Variants in ST3GAL1 observed in about 807,000 individuals in gnomAD.
ST3GAL1 encodes CMP-N-acetylneuraminate-beta-galactosamide-alpha-2,3-sialyltransferase 1.
Under a neutral mutation model 34.1 loss-of-function variants are expected in ST3GAL1, and 16 were observed. That is an observed-to-expected ratio of 0.47 (90% CI 0.32 to 0.71). The LOEUF is 0.71. Among genes scored for constraint, ST3GAL1 ranks in the 30% least tolerant of loss-of-function variants. The pLI is 0.04. For missense variants in ST3GAL1, 353 were observed against 447.4 expected, an observed-to-expected ratio of 0.79 and a Z score of 1.90; for synonymous variants, 191 against 184.7, an observed-to-expected ratio of 1.03 and a Z score of -0.28.
chr8:133,518,110 C>A (rs1025353539), intron 2 of ST3GAL1, among the ~76,000 whole-genome samples: 5 of 152,224 alleles, frequency 3.3e-5, no homozygotes, highest in Non-Finnish European at 7.3e-5. Flanking sequence ...AGTGTTCCAA[C>A]GGTCACCTCT....
intron 3 of ST3GAL1, among the ~76,000 whole-genome samples, chr8:133,491,263 T>C (rs1816777065): frequency 6.7e-6 from 1 of 149,690 alleles, no homozygotes; most frequent in Non-Finnish European, 1.5e-5. Context: ...GAGTGCTACA[T>C]TTGGAGTCCT....
At chr8:133,491,612 G>A (rs1003017890) in intron 3 of ST3GAL1, among the ~76,000 whole-genome samples, 1 of 152,196 alleles carries the variant, frequency 6.6e-6, no homozygotes, top group African/African-American at 2.4e-5. Flanking sequence ...TGATTTTCAG[G>A]GGCATCCAGG....
At chr8:133,471,738 C>T (rs57743531) in intron 5 of ST3GAL1, among the ~76,000 whole-genome samples, 25,010 of 151,772 alleles carry the variant, frequency 0.16, 2,710 homozygotes, top group East Asian at 0.58. Context: ...GTGGTAAGGG[C>T]GAAGCAGTGG....
intron 8 of ST3GAL1, 141 bp downstream of exon 8, chr8:133,463,272 AG>A (rs397891225): frequency 2.2e-6 from 2 of 897,584 alleles, no homozygotes; most frequent in Non-Finnish European, 1.8e-6. Context: ...CTCTTCCCCC[AG>A]GGGGATAGCT....
chr8:133,549,317 A>G (rs1486951371), intron 1 of ST3GAL1, among the ~76,000 whole-genome samples: 1 of 151,474 alleles, frequency 6.6e-6, no homozygotes, highest in Non-Finnish European at 1.5e-5. Context: ...CAGGAGAATC[A>G]CTAGAACCCA....
At chr8:133,551,594 GAAA>G (rs1563739138) in intron 1 of ST3GAL1, among the ~76,000 whole-genome samples, 32 of 150,440 alleles carry the variant, frequency 2.1e-4, no homozygotes, top group African/African-American at 7.7e-4. Context: ...AAGAAAGAAA[GAAA>G]GAAAGAAAGA....
At chr8:133,501,166 A>G (rs977173500) in intron 2 of ST3GAL1, among the ~76,000 whole-genome samples, 8 of 152,196 alleles carry the variant, frequency 5.3e-5, no homozygotes, top group African/African-American at 1.9e-4. Context: ...TAGAAAAATC[A>G]ACACAGGGTT....
chr8:133,518,987 G>C (rs1397402186), intron 2 of ST3GAL1, among the ~76,000 whole-genome samples: 1 of 152,128 alleles, frequency 6.6e-6, no homozygotes, highest in Admixed American at 6.5e-5. Flanking sequence ...AGGGAAGAGA[G>C]GAGGCCTGAG....
chr8:133,512,116 G>C (rs912225611), intron 2 of ST3GAL1, among the ~76,000 whole-genome samples: 5 of 152,244 alleles, frequency 3.3e-5, no homozygotes, highest in Admixed American at 3.3e-4. Flanking sequence ...AAAGTCCCAT[G>C]ATAGGCCGTC....
chr8:133,546,983 C>T lies in ST3GAL1; in HGVS notation c.-581-1057G>A, dbSNP rs112424179. The stretch of plus-strand genomic sequence containing the variant: ...TCACACCACTGCCCTCCAGCCTGGG[C>T]GACAGCGAGACTCCATCTCAGGAAA... On this transcript the variant is annotated intron_variant, in intron 1 of 9. Transcript: ENST00000522652. Among the ~76,000 whole-genome samples the T allele has an allele frequency of 3.9e-3, 573 of 147,950 alleles. 2 individuals carry two copies. Among genetic ancestry groups the T allele is most frequent in the Non-Finnish European group, 6.8e-3 (457 of 67,420 alleles).
At chr8:133,464,339 C>A (rs1278373713) in intron 7 of ST3GAL1, among the ~76,000 whole-genome samples, 1 of 152,200 alleles carries the variant, frequency 6.6e-6, no homozygotes, top group East Asian at 1.9e-4. Context: ...ACTGCTTGCC[C>A]TGGGGAGGGG....
intron 1 of ST3GAL1, among the ~76,000 whole-genome samples, chr8:133,548,161 G>A (rs576992088): frequency 8.7e-4 from 132 of 152,282 alleles, no homozygotes; most frequent in Admixed American, 1.9e-3. Flanking sequence ...TTTCAGAAAT[G>A]AGAATTAAGG....
At chr8:133,516,939 T>G (rs750615760) in intron 2 of ST3GAL1, among the ~76,000 whole-genome samples, 1 of 152,234 alleles carries the variant, frequency 6.6e-6, no homozygotes, top group Non-Finnish European at 1.5e-5. Context: ...CAGAAAGAGA[T>G]AGAGTTGATC....
rs1554618821 is a variant in ST3GAL1, at chr8:133,541,058, T to TATATATAGAC, written c.-429+4715_-429+4716insGTCTATATAT. Among the ~76,000 whole-genome samples, 2 of 28,442 alleles carry TATATATAGAC rather than the reference T, an allele frequency of 7.0e-5. 1 individual carries two copies. Among genetic ancestry groups the TATATATAGAC allele is most frequent in the Non-Finnish European group, 1.2e-4 (2 of 16,536 alleles). 18.7% of individuals were successfully genotyped at this position (28,442 alleles called of 152,430 possible). ...ACATATATAGACATATATATAGACA[T>TATATATAGAC]ATATATATAGACATATATATAGACA... On this transcript the variant is annotated intron_variant, in intron 2 of 9. Transcript: ENST00000522652.
chr8:133,487,221 G>A (rs1015902108), intron 3 of ST3GAL1, among the ~76,000 whole-genome samples: 1 of 152,132 alleles, frequency 6.6e-6, no homozygotes, highest in African/African-American at 2.4e-5. Flanking sequence ...TTACAGGCAT[G>A]AGCTACCACA....
At chr8:133,512,429 C>A (rs1025593096) in intron 2 of ST3GAL1, among the ~76,000 whole-genome samples, 2 of 152,210 alleles carry the variant, frequency 1.3e-5, no homozygotes, top group Non-Finnish European at 2.9e-5. Flanking sequence ...TTAGATGGTG[C>A]CCATTCAGAT....
chr8:133,459,784 G>A lies in ST3GAL1; in HGVS notation c.1003C>T (p.Arg335Trp), dbSNP rs1399830210. ...TATLASINKI[R>W]IFKGR ...CTGCGTCATCTCCCCTTGAAGATCC[G>A]GATTTTATTGATGGAGGCCAAGGTG... is the stretch of plus-strand genomic sequence containing the variant. The change falls in exon 10 of 10, where the codon CGG (arginine) becomes TGG (tryptophan). Residue 335 changes from arginine (R) to tryptophan (W), a missense_variant. By Grantham distance (101) the Arg-to-Trp change is moderately radical. Coordinates refer to ENST00000522652, the MANE Select transcript of ST3GAL1 (RefSeq NM_173344.3). The surrounding 1 kb of genome is among the most constrained non-coding windows in gnomAD (Gnocchi z 4.7). 16 of 1,612,716 alleles carry A rather than the reference G, an allele frequency of 9.9e-6. 1 individual carries two copies. In the Admixed American group the frequency reaches 1.0e-4, roughly 10 times the overall value.
chr8:133,530,524 C>A (rs1175386458), intron 2 of ST3GAL1, among the ~76,000 whole-genome samples: 1 of 152,140 alleles, frequency 6.6e-6, no homozygotes, highest in Non-Finnish European at 1.5e-5. Flanking sequence ...CTCAGGTGAT[C>A]CACTCGCCTC....
chr8:133,543,768 T>C (rs1057447379), intron 2 of ST3GAL1, among the ~76,000 whole-genome samples: 1 of 151,070 alleles, frequency 6.6e-6, no homozygotes, highest in African/African-American at 2.4e-5. Context: ...AAGCTGGGAA[T>C]GGACAAAAAA....
Sources: gnomAD v4.1 joint callset for allele counts (sites outside exome capture counted in the v4.1 genomes callset) on GRCh38, gnomAD v4.1.1 for gene constraint, Gnocchi (gnomAD v3.1) non-coding constraint, MANE v1.5 for transcripts, NCBI Gene and HGNC (gene_info 2026-07-23, HGNC 2026-07-21) for gene names.